CREB5: variants seen among roughly 807,000 people sequenced by gnomAD.
CREB5 encodes the protein cAMP responsive element binding protein 5, also known as cyclic AMP-responsive element-binding protein 5.
In CREB5, 19 loss-of-function variants were observed where a neutral mutation model predicts 57.1. The ratio of observed to expected loss-of-function variants is 0.33; its 90% confidence interval spans 0.23 to 0.49. The LOEUF is 0.49. Ranked by LOEUF, CREB5 falls within the 20% of genes least tolerant of loss-of-function variation. The pLI is 0.99. For missense variants in CREB5, 579 were observed against 671.6 expected, an observed-to-expected ratio of 0.86 and a Z score of 1.52; for synonymous variants, 238 against 238.3, an observed-to-expected ratio of 1.00 and a Z score of 0.01.
chr7:28,805,971 TTTTTAGTCAAAC>T (rs1808704955), intron 8 of CREB5, among the ~76,000 whole-genome samples: 1 of 152,118 alleles, frequency 6.6e-6, no homozygotes, highest in Non-Finnish European at 1.5e-5. Context: ...TTTAGTCACA[TTTTTAGTCAAAC>T]GCCATACTAG....
At chr7:28,719,184 A>G (rs1802877350) in intron 6 of CREB5, among the ~76,000 whole-genome samples, 1 of 152,214 alleles carries the variant, frequency 6.6e-6, no homozygotes, top group East Asian at 1.9e-4. Context: ...TCCAAAGTCT[A>G]CAGTTTGGGC....
chr7:28,380,828 T>A (rs1786952716), intron 1 of CREB5, among the ~76,000 whole-genome samples: 1 of 152,174 alleles, frequency 6.6e-6, no homozygotes, highest in African/African-American at 2.4e-5. Flanking sequence ...TGTGTAGAAA[T>A]AGGGACAATG....
chr7:28,334,757 T>A (rs773637201), intron 1 of CREB5, among the ~76,000 whole-genome samples: 2 of 152,176 alleles, frequency 1.3e-5, no homozygotes, highest in Non-Finnish European at 2.9e-5. Flanking sequence ...GCTTGTGGGG[T>A]GTTACTCAAG....
intron 4 of CREB5, among the ~76,000 whole-genome samples, chr7:28,555,754 T>G (rs1401556563): frequency 1.3e-5 from 2 of 152,300 alleles, no homozygotes; most frequent in Non-Finnish European, 1.5e-5. Context: ...AAGCCTTTTG[T>G]CCAGGAATTC....
chr7:28,739,827 A>G (rs967217046), intron 7 of CREB5, among the ~76,000 whole-genome samples: 1 of 152,172 alleles, frequency 6.6e-6, no homozygotes, highest in African/African-American at 2.4e-5. Flanking sequence ...AAAAAAAGAA[A>G]CATTCAAGTT....
intron 4 of CREB5, among the ~76,000 whole-genome samples, chr7:28,560,674 G>T (rs1795048563): frequency 6.6e-6 from 1 of 152,034 alleles, no homozygotes. Context: ...GACTGGAGAA[G>T]TTCAGCAGGA....
intron 7 of CREB5, among the ~76,000 whole-genome samples, chr7:28,751,559 ACAC>A (rs146605246): frequency 0.022 from 3,295 of 152,286 alleles, 68 homozygotes; most frequent in Non-Finnish European, 0.038. Flanking sequence ...TGTGGAATAG[ACAC>A]ATGTTGTTTT....
At chr7:28,419,820 C>CT (rs1788170200) in intron 1 of CREB5, among the ~76,000 whole-genome samples, 1 of 151,988 alleles carries the variant, frequency 6.6e-6, no homozygotes, top group Non-Finnish European at 1.5e-5. Context: ...TAAGACACTC[C>CT]TTTTTTCTGA....
chr7:28,685,194 A>G (rs947277830), intron 5 of CREB5, among the ~76,000 whole-genome samples: 2 of 152,072 alleles, frequency 1.3e-5, no homozygotes, highest in Admixed American at 1.3e-4. Context: ...TTAAGGGAGA[A>G]CTTGTCTTCC....
At chr7:28,572,047 T>G (rs1012481998) in intron 5 of CREB5, among the ~76,000 whole-genome samples, 3 of 152,210 alleles carry the variant, frequency 2.0e-5, no homozygotes, top group Admixed American at 2.0e-4. Flanking sequence ...TTTTTCGGTG[T>G]TATAAGAATT....
intron 1 of CREB5, among the ~76,000 whole-genome samples, chr7:28,364,656 T>C (rs1786552966): frequency 6.6e-6 from 1 of 152,130 alleles, no homozygotes; most frequent in Non-Finnish European, 1.5e-5. Context: ...TCTCCTATCC[T>C]CAGGCTCCTC....
intron 1 of CREB5, among the ~76,000 whole-genome samples, chr7:28,478,352 A>G (rs1392742873): frequency 6.6e-6 from 1 of 150,946 alleles, no homozygotes; most frequent in Admixed American, 6.6e-5. Context: ...ATATATATAC[A>G]TATTTATATA....
intron 4 of CREB5, among the ~76,000 whole-genome samples, chr7:28,539,337 C>T (rs577062177): frequency 6.6e-6 from 1 of 152,322 alleles, no homozygotes; most frequent in African/African-American, 2.4e-5. Flanking sequence ...ACCAGCCCAC[C>T]TTGGCTGTCT....
At chr7:28,488,598 A>G (rs1385975358) in intron 2 of CREB5, among the ~76,000 whole-genome samples, 4 of 152,202 alleles carry the variant, frequency 2.6e-5, no homozygotes, top group Non-Finnish European at 1.5e-5. Context: ...AAGCCACTTG[A>G]ATATACTGGC....
intron 1 of CREB5, among the ~76,000 whole-genome samples, chr7:28,370,005 T>A (rs77090707): frequency 0.042 from 6,346 of 152,268 alleles, 439 homozygotes; most frequent in African/African-American, 0.14. Flanking sequence ...TCCCTAGTAA[T>A]GCTGTCTGTT....
At chr7:28,320,700 A>C (rs1295628685) in intron 1 of CREB5, among the ~76,000 whole-genome samples, 1 of 152,262 alleles carries the variant, frequency 6.6e-6, no homozygotes, top group Non-Finnish European at 1.5e-5. Flanking sequence ...GTTTAAGCAA[A>C]GACAGCATTT....
intron 5 of CREB5, among the ~76,000 whole-genome samples, chr7:28,716,220 A>G (rs1476838895): frequency 2.6e-5 from 4 of 152,138 alleles, no homozygotes; most frequent in Non-Finnish European, 5.9e-5. Context: ...CTTTTTGAAA[A>G]AGAACACCTC....
intron 5 of CREB5, among the ~76,000 whole-genome samples, chr7:28,698,091 A>C (rs1801664006): frequency 6.6e-6 from 1 of 152,168 alleles, no homozygotes; most frequent in African/African-American, 2.4e-5. Flanking sequence ...TTTCCCTTGA[A>C]AGACACATGG....
At chr7:28,509,357 T>C (rs926175346) in intron 4 of CREB5, among the ~76,000 whole-genome samples, 3 of 152,218 alleles carry the variant, frequency 2.0e-5, no homozygotes, top group African/African-American at 4.8e-5. Flanking sequence ...TGTGAGGAAA[T>C]TCTTGCAGAT....
Sources: allele counts gnomAD v4.1 joint callset (sites outside exome capture counted in the v4.1 genomes callset), GRCh38; gene constraint gnomAD v4.1.1; transcripts MANE v1.5; gene names NCBI Gene and HGNC (gene_info 2026-07-23, HGNC 2026-07-21).